DIAPH2: variants seen among roughly 807,000 people sequenced by gnomAD.
DIAPH2 encodes protein diaphanous homolog 2.
In DIAPH2, 35 loss-of-function variants were observed where a neutral mutation model predicts 92.7. The observed-to-expected ratio is 0.38, with a 90% CI of 0.29 to 0.50. The LOEUF (loss-of-function observed/expected upper bound fraction) is 0.50. Among genes scored for constraint, DIAPH2 ranks in the 20% least tolerant of loss-of-function variants. The pLI, the probability that DIAPH2 is intolerant of heterozygous loss-of-function variation, is 0.94. For synonymous variants in DIAPH2, 301 were observed against 280.4 expected, an observed-to-expected ratio of 1.07 and a Z score of -0.73; for missense variants, 701 against 819.5, an observed-to-expected ratio of 0.86 and a Z score of 1.77.
At chrX:96,764,495 G>A (rs1225658590) in intron 4 of DIAPH2, among the ~76,000 whole-genome samples, 1 of 111,649 alleles carries the variant, frequency 9.0e-6, no homozygotes, top group East Asian at 2.8e-4. Flanking sequence ...TGAAGTCCAG[G>A]CGGCAAATTA....
rs1816878061 is a variant in DIAPH2 at position 97,536,810 on chromosome X, T to C, written c.3242-62443T>C. On this transcript the variant is annotated intron_variant, in intron 26 of 26. Coordinates refer to ENST00000324765, the MANE Select transcript of DIAPH2 (RefSeq NM_006729.5). ...GGATACAATACAGACCTGGATTATA[T>C]AAAAATTATACGAAATTGTACACAA... Among the ~76,000 whole-genome samples, 3 of 111,548 alleles carry C rather than the reference T, an allele frequency of 2.7e-5. No individual in the cohort carries two copies. In the Admixed American group the frequency reaches 2.9e-4, roughly 11 times the overall value.
At chrX:96,706,942 A>C (rs901169278) in intron 1 of DIAPH2, among the ~76,000 whole-genome samples, 4 of 111,362 alleles carry the variant, frequency 3.6e-5, no homozygotes, top group South Asian at 3.9e-4. Context: ...CTTTGGGTGG[A>C]GGTATATCCA....
At chrX:97,276,219 T>G (rs909865846) in intron 23 of DIAPH2, among the ~76,000 whole-genome samples, 9 of 111,143 alleles carry the variant, frequency 8.1e-5, no homozygotes, top group Admixed American at 1.9e-4. Flanking sequence ...TGAGCCGAGA[T>G]GGCAGCAGTA....
chrX:97,498,469 G>A (rs1015582957), intron 26 of DIAPH2, among the ~76,000 whole-genome samples: 1 of 111,482 alleles, frequency 9.0e-6, no homozygotes, highest in African/African-American at 3.3e-5. Flanking sequence ...TCTTTGGTAC[G>A]TACTCATTAT....
At chrX:96,848,643 CA>C (rs1486759014) in intron 4 of DIAPH2, among the ~76,000 whole-genome samples, 1 of 111,600 alleles carries the variant, frequency 9.0e-6, no homozygotes, top group East Asian at 2.8e-4. Context: ...TAAATGGATA[CA>C]GGGGTTGAGC....
intron 22 of DIAPH2, among the ~76,000 whole-genome samples, chrX:97,167,224 T>C (rs1221351092): frequency 2.3e-5 from 2 of 87,953 alleles, no homozygotes; most frequent in East Asian, 6.9e-4. Context: ...TAGGGCGCTA[T>C]TCTGAAACTT....
chrX:96,966,915 C>T (rs1200193462), intron 17 of DIAPH2, among the ~76,000 whole-genome samples: 1 of 111,975 alleles, frequency 8.9e-6, no homozygotes, highest in Non-Finnish European at 1.9e-5. Flanking sequence ...AATCTTTGCC[C>T]ACCTCAGAGG....
At chrX:96,952,242 G>A (rs1323634831) in intron 15 of DIAPH2, among the ~76,000 whole-genome samples, 1 of 111,319 alleles carries the variant, frequency 9.0e-6, no homozygotes, top group Non-Finnish European at 1.9e-5. Context: ...ATGGTTATTT[G>A]CTAAGTATAG....
rs544528875 is a variant in DIAPH2 at position 97,099,365 on chromosome X, C to CA, written c.2248-319dup. ...AGGGCGACAGAGCGAGACTCGTCTC[C>CA]AAAAAAAAAAGAAAATTATTCTATA... On this transcript the variant is annotated intron_variant, in intron 19 of 26. Transcript: ENST00000324765. Among the ~76,000 whole-genome samples, 186 of 99,014 alleles carry CA rather than the reference C, an allele frequency of 1.9e-3. 1 individual carries two copies. The highest frequency in any genetic ancestry group is 2.9e-3 in the Non-Finnish European group (139 of 48,540). The allele number at this position is 99,014 out of a possible 115,157, so 86.0% of individuals were successfully genotyped here.
chrX:97,584,190 G>A (rs1195244089), intron 26 of DIAPH2, among the ~76,000 whole-genome samples: 4 of 112,109 alleles, frequency 3.6e-5, no homozygotes, highest in Non-Finnish European at 5.6e-5. Flanking sequence ...GGCCATCTTC[G>A]AGAAGACTGT....
chrX:96,984,354 A>T (rs2066017104), intron 17 of DIAPH2, among the ~76,000 whole-genome samples: 1 of 110,766 alleles, frequency 9.0e-6, no homozygotes, highest in Non-Finnish European at 1.9e-5. Flanking sequence ...CAAAGCAAAA[A>T]ATGGGCTCTA....
At chrX:97,163,447 C>A (rs764772210) in intron 22 of DIAPH2, among the ~76,000 whole-genome samples, 1 of 111,929 alleles carries the variant, frequency 8.9e-6, no homozygotes, top group Admixed American at 9.5e-5. Context: ...ACCTTGTCCT[C>A]CCAAAGTGCT....
intron 25 of DIAPH2, among the ~76,000 whole-genome samples, chrX:97,411,648 C>G (rs188567789): frequency 1.8e-5 from 2 of 111,931 alleles, no homozygotes; most frequent in Non-Finnish European, 3.8e-5. Flanking sequence ...GTGCTATATT[C>G]AGGAGACACA....
intron 25 of DIAPH2, among the ~76,000 whole-genome samples, chrX:97,393,774 G>T (rs980819834): frequency 6.2e-5 from 7 of 112,094 alleles, no homozygotes; most frequent in Non-Finnish European, 1.1e-4. Context: ...ATAGGAAAAA[G>T]TATGTTAAAA....
At chrX:96,853,615 T>A in intron 4 of DIAPH2, among the ~76,000 whole-genome samples, 1 of 111,771 alleles carries the variant, frequency 8.9e-6, no homozygotes, top group Middle Eastern at 4.8e-3. Flanking sequence ...ACCTATACTG[T>A]ACTGCTAAAG....
intron 22 of DIAPH2, among the ~76,000 whole-genome samples, chrX:97,169,664 G>A (rs2067437212): frequency 8.9e-6 from 1 of 111,896 alleles, no homozygotes; most frequent in Admixed American, 9.5e-5. Context: ...AGGAGTTTGA[G>A]ACTAGGCTGA....
rs2065198585 is a variant in DIAPH2, at chrX:96,879,356, A to G, written c.448-2223A>G. On this transcript the variant is annotated intron_variant, in intron 4 of 26. Coordinates refer to ENST00000324765, the MANE Select transcript of DIAPH2 (RefSeq NM_006729.5). The stretch of plus-strand genomic sequence containing the variant: ...GTCACGCAACAGGGTTAAATTCCAT[A>G]TACAATCCTCTAGGGGAAGATTAGT... 5.4e-5 allele frequency among the ~76,000 whole-genome samples: 6 copies of G among 111,224 alleles called. No homozygotes were observed. The Admixed American group carries it at 5.8e-4, about 11-fold the overall frequency.
rs776155426 is a variant in DIAPH2, at chrX:97,469,949, A to G, written c.3241+40204A>G. 375 of 573,409 alleles carry G rather than the reference A, an allele frequency of 6.5e-4. No individual in the cohort carries two copies. In the African/African-American group the frequency reaches 7.7e-3, roughly 12 times the overall value. The allele number at this position is 573,409 out of a possible 1,213,427, so 47.3% of individuals were successfully genotyped here. Reference sequence around the variant, plus strand: ...TGGTTAACCATATCTATGCCTGGAAAGAAAATATAGACTTGGGAAGAAAAC... The same window carrying G: ...TGGTTAACCATATCTATGCCTGGAAGGAAAATATAGACTTGGGAAGAAAAC... On this transcript the variant is annotated intron_variant, in intron 26 of 26. Coordinates refer to ENST00000324765, the MANE Select transcript of DIAPH2 (RefSeq NM_006729.5).
chrX:96,913,313 G>A (rs1353555414), intron 7 of DIAPH2, among the ~76,000 whole-genome samples: 1 of 111,315 alleles, frequency 9.0e-6, no homozygotes, highest in Non-Finnish European at 1.9e-5. Context: ...GTGAACAGAG[G>A]TCTTTTTGAT....
Sources: gnomAD v4.1 joint callset for allele counts (sites outside exome capture counted in the v4.1 genomes callset) on GRCh38, gnomAD v4.1.1 for gene constraint, MANE v1.5 for transcripts, NCBI Gene and HGNC (gene_info 2026-07-23, HGNC 2026-07-21) for gene names.